Variants in FMN2 observed in about 807,000 individuals in gnomAD.
FMN2 encodes the protein formin-2.
Under a neutral mutation model 142.3 loss-of-function variants are expected in FMN2, and 51 were observed. The observed-to-expected ratio is 0.36, with a 90% CI of 0.29 to 0.45. The LOEUF (loss-of-function observed/expected upper bound fraction) is 0.45. Among genes scored for constraint, FMN2 ranks in the 20% least tolerant of loss-of-function variants. The pLI, the probability that FMN2 is intolerant of heterozygous loss-of-function variation, is 1.00. For missense variants in FMN2, 1,936 were observed against 2,122.8 expected (o/e 0.91, Z 1.73); for synonymous variants, 882 against 869.8 (o/e 1.01, Z -0.25).
At chr1:240,110,960 G>A (rs962113168) in intron 1 of FMN2, among the ~76,000 whole-genome samples, 2 of 152,048 alleles carry the variant, frequency 1.3e-5, no homozygotes, top group East Asian at 1.9e-4. Flanking sequence ...GCCTATTACC[G>A]TACTATTTCA....
intron 14 of FMN2, among the ~76,000 whole-genome samples, chr1:240,381,493 G>A (rs1407320254): frequency 2.6e-5 from 4 of 152,072 alleles, no homozygotes; most frequent in African/African-American, 9.7e-5. Context: ...GCAGTGGCGA[G>A]GTCTTGGCTC....
At chr1:240,347,128 A>G (rs1671933088) in intron 13 of FMN2, among the ~76,000 whole-genome samples, 2 of 152,202 alleles carry the variant, frequency 1.3e-5, no homozygotes, top group South Asian at 4.1e-4. Flanking sequence ...CAAAAACCAC[A>G]TTTACTATTT....
At chr1:240,100,031 A>C (rs16839409) in intron 1 of FMN2, among the ~76,000 whole-genome samples, 2,163 of 152,258 alleles carry the variant, frequency 0.014, 28 homozygotes, top group Admixed American at 0.039. Flanking sequence ...CATTTTTGGC[A>C]GTGATATAGA....
intron 14 of FMN2, among the ~76,000 whole-genome samples, chr1:240,388,227 C>CAAAAAAA (rs761610582): frequency 0.012 from 72 of 6,042 alleles, no homozygotes; most frequent in Admixed American, 0.019. Context: ...GTGCTCAAAG[C>CAAAAAAA]AAAAAAAAAA....
At chr1:240,095,090 A>G (rs970327991) in intron 1 of FMN2, among the ~76,000 whole-genome samples, 1 of 152,218 alleles carries the variant, frequency 6.6e-6, no homozygotes, top group Non-Finnish European at 1.5e-5. Context: ...GTAAAAAAAC[A>G]AAAACAAAAT....
At chr1:240,446,930 G>T (rs371188387) in intron 16 of FMN2, among the ~76,000 whole-genome samples, 3 of 152,084 alleles carry the variant, frequency 2.0e-5, no homozygotes, top group Non-Finnish European at 2.9e-5. Context: ...GTTCCCATTA[G>T]GGGGAGTGGA....
chr1:240,455,774 G>A (rs984061936), intron 16 of FMN2, among the ~76,000 whole-genome samples: 1 of 151,956 alleles, frequency 6.6e-6, no homozygotes, highest in South Asian at 2.1e-4. Flanking sequence ...TCAGGAATTC[G>A]AGACCAGCCT....
At chr1:240,218,380 T>C (rs1048932785) in intron 6 of FMN2, among the ~76,000 whole-genome samples, 2 of 150,508 alleles carry the variant, frequency 1.3e-5, no homozygotes, top group Admixed American at 1.3e-4. Flanking sequence ...GTATAATTCA[T>C]AGGAATTGAA....
chr1:240,277,237 A>C (rs1045838053), intron 7 of FMN2, among the ~76,000 whole-genome samples: 1 of 152,184 alleles, frequency 6.6e-6, no homozygotes, highest in African/African-American at 2.4e-5. Context: ...GCCATTTGGA[A>C]GAGAATACAG....
intron 6 of FMN2, among the ~76,000 whole-genome samples, chr1:240,257,145 TA>T (rs1272779085): frequency 2.6e-5 from 4 of 152,324 alleles, no homozygotes; most frequent in East Asian, 3.9e-4. Flanking sequence ...ATAAGTTTCA[TA>T]AGCAGAATTT....
chr1:240,300,855 A>T (rs1670173268), intron 8 of FMN2, among the ~76,000 whole-genome samples: 1 of 148,038 alleles, frequency 6.8e-6, no homozygotes, highest in Non-Finnish European at 1.5e-5. Flanking sequence ...TTAAACTGAT[A>T]TTTAAATAGC....
At chr1:240,174,345 C>T (rs1664827616) in intron 2 of FMN2, among the ~76,000 whole-genome samples, 2 of 152,124 alleles carry the variant, frequency 1.3e-5, no homozygotes, top group East Asian at 3.9e-4. Flanking sequence ...CATTACATTT[C>T]AGAAACTTCT....
At chr1:240,187,269 CAAAAAAAAAAAAAAAAAA>C in intron 3 of FMN2, among the ~76,000 whole-genome samples, 1 of 83,786 alleles carries the variant, frequency 1.2e-5, no homozygotes, top group South Asian at 4.5e-4. Context: ...AACTCCATCT[CAAAAAAAAAAAAAAAAAA>C]AAAAGAAAAG....
intron 6 of FMN2, among the ~76,000 whole-genome samples, chr1:240,248,444 T>G (rs1427831415): frequency 6.7e-6 from 1 of 148,176 alleles, no homozygotes; most frequent in East Asian, 2.0e-4. Context: ...TATATATATA[T>G]ATATATATAT....
At chr1:240,368,240 T>C (rs1672748071) in intron 14 of FMN2, among the ~76,000 whole-genome samples, 1 of 152,182 alleles carries the variant, frequency 6.6e-6, no homozygotes, top group Admixed American at 6.5e-5. Flanking sequence ...AATTTAAGAA[T>C]TAAGTTGTTA....
At chr1:240,159,980 C>T (rs1486534020) in intron 2 of FMN2, among the ~76,000 whole-genome samples, 7 of 142,248 alleles carry the variant, frequency 4.9e-5, no homozygotes, top group Admixed American at 4.2e-4. Context: ...TATATACACA[C>T]ACACACACAC....
chr1:240,414,534 G>A (rs1674515166), intron 15 of FMN2, among the ~76,000 whole-genome samples: 1 of 152,134 alleles, frequency 6.6e-6, no homozygotes, highest in Admixed American at 6.5e-5. Flanking sequence ...GCATTTGTAG[G>A]GATGTTTTGC....
chr1:240,172,014 CTG>C (rs923929004), intron 2 of FMN2, among the ~76,000 whole-genome samples: 1 of 152,152 alleles, frequency 6.6e-6, no homozygotes, highest in East Asian at 1.9e-4. Flanking sequence ...AAAAATAAAA[CTG>C]TGATTTGCTC....
At position 240,475,034 on chromosome 1, in the gene FMN2, G is replaced by GTGT. The variant is rs748159525; in HGVS notation, c.*881_*883dup. 6.6e-6 allele frequency: 1 copy of GTGT among 152,508 alleles called. No individual in the cohort carries two copies. The highest frequency in any genetic ancestry group is 1.9e-4 in the East Asian group (1 of 5,170). 9.4% of individuals were successfully genotyped at this position (152,508 alleles called of 1,614,324 possible). A position where few individuals can be genotyped will look rare whatever the true frequency, so the allele number is the denominator to read the frequency against. On this transcript the variant is annotated 3_prime_UTR_variant, in exon 18 of 18. Transcript: ENST00000319653. ...CTTCCTGTCCCCTTCAGTCCCTCCA[G>GTGT]TGTGTATATTACCATTCTCCAATGA...
Sources: allele counts gnomAD v4.1 joint callset (sites outside exome capture counted in the v4.1 genomes callset), GRCh38; gene constraint gnomAD v4.1.1; transcripts MANE v1.5; gene names NCBI Gene and HGNC (gene_info 2026-07-23, HGNC 2026-07-21).